Variants in OPCML observed in about 807,000 individuals in gnomAD.
OPCML encodes the protein opioid binding protein/cell adhesion molecule like.
OPCML carries 13 observed loss-of-function variants against 37.8 expected under a neutral mutation model. That is an observed-to-expected ratio of 0.34 (90% CI 0.22 to 0.55). The LOEUF is 0.55. OPCML is among the 20% of genes least tolerant of loss of function. OPCML has a pLI of 0.91. For missense variants in OPCML, 341 were observed against 435.6 expected (o/e 0.78, Z 1.93); for synonymous variants, 176 against 168.8 (o/e 1.04, Z -0.33).
intron 2 of OPCML, among the ~76,000 whole-genome samples, chr11:132,854,008 G>A (rs1039926446): frequency 1.3e-5 from 2 of 152,092 alleles, no homozygotes; most frequent in Admixed American, 1.3e-4. Flanking sequence ...CAGGGTAAGG[G>A]CTTAATCCCA....
chr11:133,125,182 ACTAC>A (rs532074593), intron 1 of OPCML, among the ~76,000 whole-genome samples: 1 of 152,060 alleles, frequency 6.6e-6, no homozygotes, highest in Non-Finnish European at 1.5e-5. Context: ...GGGTATTTAA[ACTAC>A]CCCAGGAAGT....
Position 133,208,595 on chromosome 11 carries a change from G to A in OPCML, c.62-265585C>T, listed in dbSNP as rs1483658082. 6.6e-6 allele frequency among the ~76,000 whole-genome samples: 1 copy of A among 152,132 alleles called. No homozygotes were observed. Among genetic ancestry groups the A allele is most frequent in the Non-Finnish European group, 1.5e-5 (1 of 68,018 alleles). ...TAGTGAAGTTGAAGCAGGAAAAGCT[G>A]GATTTTGACACATATTTGACATGCA... On this transcript the variant is annotated intron_variant, in intron 1 of 7. Coordinates refer to ENST00000524381, the MANE Select transcript of OPCML (RefSeq NM_001012393.5). The surrounding 1 kb of genome is among the most constrained non-coding windows in gnomAD (Gnocchi z 8.9).
At chr11:133,344,940 A>G (rs1943961083) in intron 1 of OPCML, among the ~76,000 whole-genome samples, 1 of 152,198 alleles carries the variant, frequency 6.6e-6, no homozygotes, top group African/African-American at 2.4e-5. Context: ...AGGACTTGCT[A>G]GCCACGTCAC....
At chr11:132,752,615 A>G (rs1186321981) in intron 2 of OPCML, among the ~76,000 whole-genome samples, 2 of 152,028 alleles carry the variant, frequency 1.3e-5, no homozygotes, top group African/African-American at 4.8e-5. Context: ...ATTTGTTAGC[A>G]TGCCATCCAA....
chr11:133,131,658 T>C (rs78363634), intron 1 of OPCML, among the ~76,000 whole-genome samples: 3,878 of 152,286 alleles, frequency 0.025, 166 homozygotes, highest in African/African-American at 0.083. Context: ...AATAACACCC[T>C]TAGGTATTTA....
rs948747525 is a variant in OPCML at position 132,506,895 on chromosome 11, T to A, written c.505+22166A>T. On this transcript the variant is annotated intron_variant, in intron 4 of 7. Transcript: ENST00000524381. ...TTTAATACCTGCAAGTGGGTTAAAC[T>A]CCCCATTATAATGAAAAAAAGGCTT... is the stretch of plus-strand genomic sequence containing the variant. 2.0e-5 allele frequency among the ~76,000 whole-genome samples: 3 copies of A among 151,702 alleles called. No individual in the cohort carries two copies. The East Asian group carries it at 5.8e-4, about 29-fold the overall frequency.
chr11:133,366,359 C>A (rs759993368), intron 1 of OPCML, among the ~76,000 whole-genome samples: 1 of 152,152 alleles, frequency 6.6e-6, no homozygotes, highest in Non-Finnish European at 1.5e-5. Context: ...CGAGTGTCAG[C>A]AATTCTTTTC....
chr11:132,884,288 G>T (rs1943327380), intron 2 of OPCML, among the ~76,000 whole-genome samples: 1 of 152,228 alleles, frequency 6.6e-6, no homozygotes, highest in African/African-American at 2.4e-5. Flanking sequence ...AAGAGACAGT[G>T]AGGTGCCTCC....
At chr11:132,808,047 C>G (rs1204788082) in intron 2 of OPCML, among the ~76,000 whole-genome samples, 1 of 152,168 alleles carries the variant, frequency 6.6e-6, no homozygotes, top group Non-Finnish European at 1.5e-5. Context: ...TGAATTTGAT[C>G]AAGCTACATG....
intron 2 of OPCML, among the ~76,000 whole-genome samples, chr11:132,933,391 T>A (rs1437041371): frequency 6.6e-6 from 1 of 152,196 alleles, no homozygotes; most frequent in Non-Finnish European, 1.5e-5. Flanking sequence ...AATGATATTG[T>A]GCAATTGTCA....
At chr11:133,502,455 C>G (rs1440371453) in intron 1 of OPCML, among the ~76,000 whole-genome samples, 1 of 152,196 alleles carries the variant, frequency 6.6e-6, no homozygotes, top group Non-Finnish European at 1.5e-5. Flanking sequence ...GGGCCGCTCC[C>G]TCGCCCCAAC....
intron 4 of OPCML, among the ~76,000 whole-genome samples, chr11:132,456,553 C>T (rs935309539): frequency 3.9e-5 from 6 of 152,130 alleles, no homozygotes; most frequent in Non-Finnish European, 8.8e-5. Context: ...GACTTCTTGC[C>T]TTCCACATTA....
At chr11:133,514,397 C>A (rs576765290) in intron 1 of OPCML, among the ~76,000 whole-genome samples, 1 of 152,264 alleles carries the variant, frequency 6.6e-6, no homozygotes, top group Non-Finnish European at 1.5e-5. Context: ...AGGGAAAAAC[C>A]AAACACTCTT....
At chr11:132,577,964 A>G (rs960078643) in intron 3 of OPCML, among the ~76,000 whole-genome samples, 5 of 152,172 alleles carry the variant, frequency 3.3e-5, no homozygotes, top group Admixed American at 6.5e-5. Context: ...AAAACAGGTA[A>G]TGTCCCCTTA....
chr11:132,554,829 A>G (rs2096390511), intron 3 of OPCML, among the ~76,000 whole-genome samples: 1 of 151,782 alleles, frequency 6.6e-6, no homozygotes, highest in South Asian at 2.1e-4. Flanking sequence ...CACTGAAAAT[A>G]AAAAGTAAAT....
intron 1 of OPCML, among the ~76,000 whole-genome samples, chr11:133,468,596 G>A (rs1345608572): frequency 6.6e-6 from 1 of 152,238 alleles, no homozygotes; most frequent in Non-Finnish European, 1.5e-5. Flanking sequence ...AAGCCCTGGG[G>A]AAAATGTCCT....
chr11:133,224,262 G>A (rs899992730), intron 1 of OPCML, among the ~76,000 whole-genome samples: 22 of 152,112 alleles, frequency 1.4e-4, no homozygotes, highest in African/African-American at 2.4e-4. Flanking sequence ...CTAGGGAAGC[G>A]AAACAAGAGA....
intron 1 of OPCML, among the ~76,000 whole-genome samples, chr11:133,224,511 C>T (rs1462094843): frequency 6.6e-6 from 1 of 152,178 alleles, no homozygotes; most frequent in Non-Finnish European, 1.5e-5. Context: ...AAGCTTCCCT[C>T]CAAGAGACTG....
At chr11:133,097,466 C>T (rs1281032946) in intron 1 of OPCML, among the ~76,000 whole-genome samples, 1 of 151,920 alleles carries the variant, frequency 6.6e-6, no homozygotes, top group African/African-American at 2.4e-5. Context: ...AAACTAGAAA[C>T]AAGAAGAGGA....
Sources: allele counts gnomAD v4.1 joint callset (sites outside exome capture counted in the v4.1 genomes callset), GRCh38; gene constraint gnomAD v4.1.1; non-coding constraint Gnocchi (gnomAD v3.1); transcripts MANE v1.5; gene names NCBI Gene and HGNC (gene_info 2026-07-23, HGNC 2026-07-21).